The following TTC22 variants were observed in gnomAD, a reference collection of about 807,000 sequenced individuals.
TTC22 encodes tetratricopeptide repeat protein 22.
TTC22 carries 42 observed loss-of-function variants against 48.2 expected under a neutral mutation model. The ratio of observed to expected loss-of-function variants is 0.87; its 90% CI spans 0.68 to 1.13. The LOEUF is 1.13. Ranked by LOEUF, TTC22 falls within the 50% of genes most tolerant of loss-of-function variation. The pLI, the probability that TTC22 is intolerant of heterozygous loss-of-function variation, is 0.00. For missense variants in TTC22, 784 were observed against 807.0 expected (o/e 0.97, Z 0.34); for synonymous variants, 345 against 365.5 (o/e 0.94, Z 0.64).
At chr1:54,784,227 G>A (rs1455103314) in intron 5 of TTC22, among the ~76,000 whole-genome samples, 1 of 152,160 alleles carries the variant, frequency 6.6e-6, no homozygotes, top group African/African-American at 2.4e-5. Context: ...CCAGGGCCAC[G>A]CTTATGGGCC....
chr1:54,800,988 A>G lies in TTC22; in HGVS notation c.176T>C (p.Leu59Pro). 6.2e-7 allele frequency: 1 copy of G among 1,605,920 alleles called. No homozygotes were observed. The highest frequency in any genetic ancestry group is 8.5e-7 in the Non-Finnish European group (1 of 1,177,598). ...QREGLRQELQ[L>P]AAAPQRPAVR... ...AGCGGGGCGCTGCGGGGCGGCCGCC[A>G]GCTGGAGCTCCTGCCGCAGACCCTC... The change falls in exon 1 of 7, where the codon CTG (leucine) becomes CCG (proline). Residue 59 changes from leucine to proline, a missense_variant. Physicochemically the swap from Leu to Pro is moderately conservative, Grantham distance 98. Coordinates refer to ENST00000371276, the MANE Select transcript of TTC22 (RefSeq NM_001114108.2).
In TTC22 at chr1:54,781,552, G is replaced by A; in HGVS notation, c.1401C>T (p.Ser467=). Residue 467 remains serine, a synonymous_variant, in exon 7 of 7, where the codon AGC becomes AGT. Transcript: ENST00000371276. ...GCAGGCAGCCGAAGCCGTCGGTGTG[G>A]CTGGAGCCCGCGTCGTCCAGCTCCA... ...RAVELDDAGS[S]HTDGFGCLLE... is the part of the protein sequence containing the mutation. 2 of 1,519,410 alleles carry A rather than the reference G, an allele frequency of 1.3e-6. No individual in the cohort carries two copies. The highest frequency in any genetic ancestry group is 1.8e-6 in the Non-Finnish European group (2 of 1,140,730). 94.1% of individuals were successfully genotyped at this position (1,519,410 alleles called of 1,614,324 possible). A position where few individuals can be genotyped will look rare whatever the true frequency, so the allele number is the denominator to read the frequency against.
intron 1 of TTC22, among the ~76,000 whole-genome samples, chr1:54,795,195 A>G (rs591867): frequency 0.99 from 150,887 of 152,368 alleles, 74,730 homozygotes; most frequent in Middle Eastern, 1. Context: ...GCCCACTGGC[A>G]TGGCTCAGCT....
In TTC22 at chr1:54,801,286, C is replaced by A. The variant is rs907739433; in HGVS notation, c.-123G>T. The A allele has an allele frequency of 7.5e-5, 77 of 1,024,796 alleles. No individual in the cohort carries two copies. In the African/African-American group the frequency reaches 1.2e-3, roughly 16 times the overall value. 63.5% of individuals were successfully genotyped at this position (1,024,796 alleles called of 1,614,324 possible). On this transcript the variant is annotated 5_prime_UTR_variant, in exon 1 of 7. Transcript: ENST00000371276. ...AGGGGCAGCCGGCAGAGGCCCCGGG[C>A]GCTGCGGCCTCTCGGTCTCAGGGCG...
intron 6 of TTC22, 97 bp from the exon 7 acceptor site, chr1:54,781,876 A>G: frequency 9.4e-7 from 1 of 1,067,214 alleles, no homozygotes; most frequent in Non-Finnish European, 1.3e-6. Flanking sequence ...CCACTCCTTC[A>G]CTCATTCCCA....
At position 54,801,241 on chromosome 1, in the gene TTC22, C is replaced by G. The variant is rs1646436317; in HGVS notation, c.-78G>C. The G allele has an allele frequency of 2.3e-5, 34 of 1,447,666 alleles. No homozygotes were observed. Among genetic ancestry groups the G allele is most frequent in the South Asian group, 2.2e-4 (18 of 80,194 alleles). The allele number at this position is 1,447,666 out of a possible 1,614,324, so 89.7% of individuals were successfully genotyped here. On this transcript the variant is annotated 5_prime_UTR_variant, in exon 1 of 7. Coordinates refer to ENST00000371276, the MANE Select transcript of TTC22 (RefSeq NM_001114108.2). ...GCAGTGGATGGGGGCGTTCCCCGAG[C>G]GAGCTCCGTGCGGGAGGCGAGGGGC...
At chr1:54,783,445 G>A (rs987251959) in intron 5 of TTC22, among the ~76,000 whole-genome samples, 2 of 152,182 alleles carry the variant, frequency 1.3e-5, no homozygotes, top group Non-Finnish European at 2.9e-5. Context: ...ACATATTCTA[G>A]TCAGGAGCTA....
intron 4 of TTC22, chr1:54,786,722 G>A: frequency 2.5e-6 from 1 of 399,478 alleles, no homozygotes; most frequent in Non-Finnish European, 4.4e-6. Flanking sequence ...AAGGGAAAAA[G>A]TCTAAGGGTC....
At position 54,781,323 on chromosome 1, in the gene TTC22, C is replaced by G. The variant is rs1386000114; in HGVS notation, c.1630G>C (p.Val544Leu). Reference sequence around the variant, plus strand: ...TCCATGGTCTCGAAGAGCAGCCGCACCAGCGCCGGCCGTCCCTGGGCCACC... The same window carrying G: ...TCCATGGTCTCGAAGAGCAGCCGCAGCAGCGCCGGCCGTCCCTGGGCCACC... The part of the protein sequence containing the change: ...ALVAQGRPAL[V>L]RLLFETMERE... Residue 544 changes from valine (V) to leucine (L), a missense_variant, in exon 7 of 7, where the codon GTG becomes CTG. Coordinates refer to ENST00000371276, the MANE Select transcript of TTC22 (RefSeq NM_001114108.2). 2.8e-6 allele frequency: 4 copies of G among 1,429,140 alleles called. No individual in the cohort carries two copies. Among genetic ancestry groups the G allele is most frequent in the African/African-American group, 1.5e-5 (1 of 66,340 alleles). 88.5% of individuals were successfully genotyped at this position (1,429,140 alleles called of 1,614,324 possible). A position where few individuals can be genotyped will look rare whatever the true frequency, so the allele number is the denominator to read the frequency against.
chr1:54,791,974 C>T (rs1429498087), intron 1 of TTC22, among the ~76,000 whole-genome samples: 1 of 151,890 alleles, frequency 6.6e-6, no homozygotes, highest in African/African-American at 2.4e-5. Context: ...AGGTTCCACA[C>T]TAGTTAGCAT....
chr1:54,799,914 T>G (rs1388375943), intron 1 of TTC22, among the ~76,000 whole-genome samples: 1 of 152,138 alleles, frequency 6.6e-6, no homozygotes, highest in African/African-American at 2.4e-5. Context: ...ACTATCTCCA[T>G]CTTACAGGGA....
rs564106427 is a variant in TTC22, at chr1:54,800,912, C to G, written c.252G>C (p.Glu84Asp). 3.1e-6 allele frequency: 5 copies of G among 1,609,700 alleles called. No individual in the cohort carries two copies. The highest frequency in any genetic ancestry group is 2.7e-5 in the African/African-American group (2 of 74,898). Residue 84 changes from glutamate (E) to aspartate (D), a missense_variant, in exon 1 of 7, where the codon GAG becomes GAC. Glu to Asp is a conservative substitution (Grantham distance 45). Coordinates refer to ENST00000371276, the MANE Select transcript of TTC22 (RefSeq NM_001114108.2). ...CCACCTCGAGGAAGCACTCGCGGGC[C>G]TCGTCCAGCTCCTCCAGGTAGAATG... The part of the protein sequence containing the change: ...AFAFYLEELD[E>D]ARECFLEVAH...
At chr1:54,791,394 GA>G (rs1646351055) in intron 1 of TTC22, among the ~76,000 whole-genome samples, 2 of 152,200 alleles carry the variant, frequency 1.3e-5, no homozygotes, top group Non-Finnish European at 2.9e-5. Flanking sequence ...GACCTTGGGG[GA>G]TGTTACCCCT....
intron 4 of TTC22, 38 bp downstream of exon 4, chr1:54,786,919 T>G: frequency 1.8e-6 from 2 of 1,122,434 alleles, no homozygotes; most frequent in Non-Finnish European, 2.5e-6. Context: ...CCAGGCTCCT[T>G]CTCAGTTTAG....
Position 54,782,414 on chromosome 1 carries a change from C to T in TTC22, c.1084G>A (p.Asp362Asn), listed in dbSNP as rs1166421460. 6.4e-7 allele frequency: 1 copy of T among 1,551,564 alleles called. No homozygotes were observed. The highest frequency in any genetic ancestry group is 8.7e-7 in the Non-Finnish European group (1 of 1,146,938). ...TTGGCACAGGCCAGGTGGTTCCTGTCAGGCATGCCCCCGAGACCCATCTTG... is the reference window on the plus strand; with the variant it reads ...TTGGCACAGGCCAGGTGGTTCCTGTTAGGCATGCCCCCGAGACCCATCTTG... ...RAKMGLGGMP[D>N]RNHLACAKAD... The change falls in exon 6 of 7, where the codon GAC becomes AAC. Residue 362 changes from aspartate to asparagine, a missense_variant. Coordinates refer to ENST00000371276, the MANE Select transcript of TTC22 (RefSeq NM_001114108.2).
intron 5 of TTC22, chr1:54,784,565 C>A: frequency 9.8e-7 from 1 of 1,018,880 alleles, no homozygotes; most frequent in South Asian, 3.6e-5. Flanking sequence ...TGATGAAATG[C>A]AGAATTTTAT....
chr1:54,786,926 T>G, intron 4 of TTC22, 31 bp downstream of exon 4: 1 of 1,197,330 alleles, frequency 8.4e-7, no homozygotes, highest in Non-Finnish European at 1.2e-6. Flanking sequence ...CCTTCTCAGT[T>G]TAGAGGGTGG....
intron 1 of TTC22, among the ~76,000 whole-genome samples, chr1:54,795,282 AG>A (rs2101468732): frequency 6.6e-6 from 1 of 152,338 alleles, no homozygotes; most frequent in Admixed American, 6.5e-5. Flanking sequence ...GTATGCGCAC[AG>A]GTGGAGGGAA....
Position 54,801,088 on chromosome 1 carries a change from G to T in TTC22, c.76C>A (p.His26Asn), listed in dbSNP as rs770376029. The part of the protein sequence containing the change: ...DDLDYLPGHF[H>N]LEMQLNFEPR... ...TCGAAGTTCAACTGCATCTCCAGGT[G>T]AAAGTGGCCCGGGAGGTAGTCCAGG... The change falls in exon 1 of 7, where the codon CAC becomes AAC. Residue 26 changes from histidine to asparagine, a missense_variant. Coordinates refer to ENST00000371276, the MANE Select transcript of TTC22 (RefSeq NM_001114108.2). 3.7e-6 allele frequency: 6 copies of T among 1,611,884 alleles called. No homozygotes were observed. In the Admixed American group the frequency reaches 8.3e-5, roughly 22 times the overall value.
Sources: gnomAD v4.1 joint callset for allele counts (sites outside exome capture counted in the v4.1 genomes callset) on GRCh38, gnomAD v4.1.1 for gene constraint, MANE v1.5 for transcripts, NCBI Gene and HGNC (gene_info 2026-07-23, HGNC 2026-07-21) for gene names.